Variants in LHFPL3 observed in about 807,000 individuals in gnomAD.
LHFPL3 encodes LHFPL tetraspan subfamily member 3.
Under a neutral mutation model 19.3 loss-of-function variants are expected in LHFPL3, and 5 were observed. The ratio of observed to expected loss-of-function variants is 0.26; its 90% CI spans 0.14 to 0.54. The LOEUF (loss-of-function observed/expected upper bound fraction) is 0.54, where lower values mean the gene tolerates loss of function less well. Among genes scored for constraint, LHFPL3 ranks in the 20% least tolerant of loss-of-function variants. The probability of loss-of-function intolerance (pLI) is 0.94; values close to 1 mark genes in which losing one functional copy is unlikely to be tolerated. For synonymous variants in LHFPL3, 133 were observed against 126.2 expected (o/e 1.05, Z -0.36); for missense variants, 249 against 307.4 (o/e 0.81, Z 1.42).
chr7:104,667,974 G>A, intron 1 of LHFPL3: 15 of 1,613,432 alleles, frequency 9.3e-6, no homozygotes, highest in Non-Finnish European at 1.3e-5. Context: ...CCTTCCCACT[G>A]CTCCACGGGC....
intron 1 of LHFPL3, among the ~76,000 whole-genome samples, chr7:104,543,189 A>G (rs1192318169): frequency 6.6e-6 from 1 of 152,160 alleles, no homozygotes; most frequent in Non-Finnish European, 1.5e-5. Flanking sequence ...GAGCATTAGG[A>G]CAAATACCTA....
chr7:104,620,545 A>G (rs372888589), intron 1 of LHFPL3, among the ~76,000 whole-genome samples: 18 of 152,288 alleles, frequency 1.2e-4, no homozygotes, highest in African/African-American at 4.1e-4. Context: ...TCATTTTCCC[A>G]GGTACTTCTT....
chr7:104,418,548 A>G (rs1584306295), intron 1 of LHFPL3, among the ~76,000 whole-genome samples: 1 of 152,166 alleles, frequency 6.6e-6, no homozygotes, highest in Admixed American at 6.6e-5. Flanking sequence ...CAAACAAACA[A>G]TTTAAAAAAT....
intron 1 of LHFPL3, among the ~76,000 whole-genome samples, chr7:104,494,600 C>T (rs1050167700): frequency 6.6e-6 from 1 of 152,168 alleles, no homozygotes; most frequent in Non-Finnish European, 1.5e-5. Flanking sequence ...GTGTGAATGG[C>T]TCCATAATCA....
chr7:104,582,436 T>C (rs1040719121), intron 1 of LHFPL3, among the ~76,000 whole-genome samples: 1 of 152,048 alleles, frequency 6.6e-6, no homozygotes, highest in African/African-American at 2.4e-5. Context: ...CCCCTTCTTT[T>C]CAATCTCTTT....
chr7:104,490,345 A>T (rs907168117), intron 1 of LHFPL3, among the ~76,000 whole-genome samples: 1 of 152,130 alleles, frequency 6.6e-6, no homozygotes, highest in African/African-American at 2.4e-5. Flanking sequence ...AAGCAGCCCA[A>T]ATCATCTTCA....
intron 1 of LHFPL3, among the ~76,000 whole-genome samples, chr7:104,439,704 A>G (rs993336469): frequency 1.3e-5 from 2 of 152,164 alleles, no homozygotes; most frequent in African/African-American, 4.8e-5. Context: ...CAATTTGGTA[A>G]ACAGCATCTT....
chr7:104,858,962 A>T (rs965089534), intron 2 of LHFPL3, among the ~76,000 whole-genome samples: 2 of 8,630 alleles, frequency 2.3e-4, no homozygotes, highest in African/African-American at 9.0e-4. Context: ...ATTTTATTTA[A>T]AAAAAAAAAA....
chr7:104,344,783 C>A (rs2116374599), intron 1 of LHFPL3, among the ~76,000 whole-genome samples: 1 of 152,268 alleles, frequency 6.6e-6, no homozygotes, highest in Non-Finnish European at 1.5e-5. Context: ...GGTAGCTACC[C>A]AGTAATGGGT....
At chr7:104,521,832 A>G (rs1794070216) in intron 1 of LHFPL3, among the ~76,000 whole-genome samples, 1 of 152,188 alleles carries the variant, frequency 6.6e-6, no homozygotes, top group African/African-American at 2.4e-5. Context: ...CAAAACCACA[A>G]TGAGATACCA....
intron 2 of LHFPL3, among the ~76,000 whole-genome samples, chr7:104,763,670 G>T (rs1329828736): frequency 6.6e-6 from 1 of 152,214 alleles, no homozygotes; most frequent in African/African-American, 2.4e-5. Context: ...AATCTTCCTG[G>T]TGTGGATCTT....
At chr7:104,811,567 A>G (rs749140903) in intron 2 of LHFPL3, among the ~76,000 whole-genome samples, 2 of 151,974 alleles carry the variant, frequency 1.3e-5, no homozygotes, top group South Asian at 2.1e-4. Context: ...TATATCCCCA[A>G]TCCTAGAAGG....
intron 1 of LHFPL3, among the ~76,000 whole-genome samples, chr7:104,492,437 C>T (rs1793376454): frequency 6.6e-6 from 1 of 152,216 alleles, no homozygotes; most frequent in Non-Finnish European, 1.5e-5. Context: ...CTGTTCAAGA[C>T]ATGTCAGACC....
At position 104,572,362 on chromosome 7, in the gene LHFPL3, T is replaced by C. The variant is rs1388552885; in HGVS notation, c.446-164313T>C. On this transcript the variant is annotated intron_variant, in intron 1 of 2. Transcript: ENST00000424859. ...GTGGCTTTAGAGCAAGAGAGAAATA[T>C]GAATTTAGGCGAGGTAAATGATCAA... Among the ~76,000 whole-genome samples, 5 of 152,354 alleles carry C rather than the reference T, an allele frequency of 3.3e-5. No homozygotes were observed. In the South Asian group the frequency reaches 8.3e-4, roughly 25 times the overall value.
At chr7:104,836,604 T>C (rs1015545369) in intron 2 of LHFPL3, among the ~76,000 whole-genome samples, 14 of 152,280 alleles carry the variant, frequency 9.2e-5, no homozygotes, top group African/African-American at 2.4e-4. Context: ...GCCCTGAGAA[T>C]TGAAGTCCAG....
At chr7:104,747,660 A>C (rs1794075188) in intron 2 of LHFPL3, among the ~76,000 whole-genome samples, 1 of 152,118 alleles carries the variant, frequency 6.6e-6, no homozygotes, top group Non-Finnish European at 1.5e-5. Flanking sequence ...TCAGAAACTC[A>C]TTTCTCTTTG....
chr7:104,769,199 A>G (rs1226964628), intron 2 of LHFPL3, among the ~76,000 whole-genome samples: 2 of 152,268 alleles, frequency 1.3e-5, no homozygotes, highest in Admixed American at 1.3e-4. Context: ...AAGTTTGAGC[A>G]GAGAGGCCTA....
chr7:104,603,917 C>G (rs747208648), intron 1 of LHFPL3, among the ~76,000 whole-genome samples: 1 of 152,316 alleles, frequency 6.6e-6, no homozygotes, highest in African/African-American at 2.4e-5. Context: ...TTTACTCTAC[C>G]CAGTAGCTCT....
intron 1 of LHFPL3, among the ~76,000 whole-genome samples, chr7:104,623,849 A>G (rs1340998173): frequency 6.6e-6 from 1 of 152,084 alleles, no homozygotes; most frequent in Non-Finnish European, 1.5e-5. Context: ...ATATTCCAGC[A>G]CCCCAAACAA....
Sources: gnomAD v4.1 joint callset for allele counts (sites outside exome capture counted in the v4.1 genomes callset) on GRCh38, gnomAD v4.1.1 for gene constraint, MANE v1.5 for transcripts, NCBI Gene and HGNC (gene_info 2026-07-23, HGNC 2026-07-21) for gene names.